SHANK2: variants seen among roughly 807,000 people sequenced by gnomAD.
SHANK2 encodes SH3 and multiple ankyrin repeat domains protein 2.
In SHANK2, 43 loss-of-function variants were observed where a neutral mutation model predicts 133.7. The ratio of observed to expected loss-of-function variants is 0.32; its 90% CI spans 0.25 to 0.41. The LOEUF is 0.41. Ranked by LOEUF, SHANK2 falls within the 10% of genes least tolerant of loss-of-function variation. The pLI, the probability that SHANK2 is intolerant of heterozygous loss-of-function variation, is 1.00. For missense variants in SHANK2, 1,994 were observed against 2,235.8 expected, an observed-to-expected ratio of 0.89 and a Z score of 2.18; for synonymous variants, 1,017 against 952.8, an observed-to-expected ratio of 1.07 and a Z score of -1.24.
intron 13 of SHANK2, among the ~76,000 whole-genome samples, chr11:70,806,339 G>A (rs1456202685): frequency 6.6e-6 from 1 of 152,184 alleles, no homozygotes; most frequent in Non-Finnish European, 1.5e-5. Context: ...CTGCCATGTT[G>A]CTTCTGCTGT....
chr11:70,575,812 CTT>C (rs1178412872), intron 17 of SHANK2, among the ~76,000 whole-genome samples: 1 of 151,838 alleles, frequency 6.6e-6, no homozygotes, highest in Non-Finnish European at 1.5e-5. Context: ...GGGTGGCAAA[CTT>C]GGGGGGCGTG....
chr11:71,108,307 G>C (rs1040921882), intron 6 of SHANK2, among the ~76,000 whole-genome samples: 2 of 152,098 alleles, frequency 1.3e-5, no homozygotes, highest in Non-Finnish European at 2.9e-5. Context: ...GCCCTCCCAA[G>C]CCTCCTACAG....
At chr11:70,742,885 G>C (rs782671999) in intron 14 of SHANK2, among the ~76,000 whole-genome samples, 39 of 152,260 alleles carry the variant, frequency 2.6e-4, no homozygotes, top group Non-Finnish European at 5.4e-4. Context: ...TTTGCCTTGG[G>C]CTGGAAGTAG....
At chr11:71,126,318 C>T (rs534750680) in intron 3 of SHANK2, among the ~76,000 whole-genome samples, 1 of 148,050 alleles carries the variant, frequency 6.8e-6, no homozygotes, top group South Asian at 2.2e-4. Context: ...CTGTTTACAA[C>T]ACATGTTACT....
intron 1 of SHANK2, among the ~76,000 whole-genome samples, chr11:71,237,506 G>A (rs1954839142): frequency 6.6e-6 from 1 of 152,148 alleles, no homozygotes; most frequent in African/African-American, 2.4e-5. Context: ...ATGCAGCAAA[G>A]GTTAACTAAC....
Position 71,252,377 on chromosome 11 carries a change from C to T in SHANK2, c.-113+48G>A, listed in dbSNP as rs1467104042. On this transcript the variant is annotated intron_variant, in intron 1 of 25. Coordinates refer to ENST00000601538, the MANE Select transcript of SHANK2 (RefSeq NM_012309.5). The surrounding 1 kb of genome is among the most constrained non-coding windows in gnomAD (Gnocchi z 6.3). ...GCAGGATCGGGTGCCCAAGGGCCAC[C>T]TCCCGTCCTCCCCGGCCCGCGCCCT... The T allele has an allele frequency of 6.6e-6, 1 of 152,152 alleles. No individual in the cohort carries two copies. Among genetic ancestry groups the T allele is most frequent in the African/African-American group, 2.4e-5 (1 of 41,432 alleles). The allele number at this position is 152,152 out of a possible 1,614,324, so 9.4% of individuals were successfully genotyped here.
intron 25 of SHANK2, among the ~76,000 whole-genome samples, chr11:70,482,913 G>C (rs1283966313): frequency 3.3e-5 from 5 of 152,190 alleles, no homozygotes; most frequent in Admixed American, 3.3e-4. Context: ...TCCCCTGTGG[G>C]CACCCCAGGA....
chr11:70,898,818 A>G (rs1463313121), intron 10 of SHANK2, among the ~76,000 whole-genome samples: 2 of 152,388 alleles, frequency 1.3e-5, no homozygotes, highest in Admixed American at 6.5e-5. Context: ...ACATTGCAAC[A>G]AAACGAACAC....
chr11:70,896,339 A>T (rs1338386470), intron 11 of SHANK2, 162 bp downstream of exon 11: 1 of 567,198 alleles, frequency 1.8e-6, no homozygotes, highest in Non-Finnish European at 3.1e-6. Context: ...AGTTAAAAAA[A>T]GTTAAGACCA....
intron 2 of SHANK2, among the ~76,000 whole-genome samples, chr11:71,153,121 C>G (rs1320647335): frequency 1.2e-4 from 18 of 152,130 alleles, no homozygotes; most frequent in African/African-American, 4.3e-4. Flanking sequence ...GTTCTCTAAC[C>G]CCGTGAGGAC....
At chr11:70,682,100 G>A (rs1263945846) in intron 15 of SHANK2, among the ~76,000 whole-genome samples, 9 of 152,098 alleles carry the variant, frequency 5.9e-5, no homozygotes, top group African/African-American at 2.2e-4. Context: ...GAGGGCCTTT[G>A]ACCCACAGGC....
intron 10 of SHANK2, chr11:70,911,168 G>A (rs1565400836): frequency 6.6e-6 from 3 of 456,522 alleles, no homozygotes; most frequent in South Asian, 4.6e-5. Context: ...TACATGCCAC[G>A]AAACACACAG....
chr11:71,146,355 C>T (rs540089045), intron 3 of SHANK2, among the ~76,000 whole-genome samples: 1 of 152,320 alleles, frequency 6.6e-6, no homozygotes, highest in East Asian at 1.9e-4. Flanking sequence ...GATGAAGCCA[C>T]ACCCCTTCCT....
chr11:70,524,262 C>T (rs1242868049), intron 17 of SHANK2, among the ~76,000 whole-genome samples: 1 of 152,230 alleles, frequency 6.6e-6, no homozygotes, highest in Non-Finnish European at 1.5e-5. Context: ...ATGCCACCAT[C>T]GGAGATGGGA....
intron 10 of SHANK2, among the ~76,000 whole-genome samples, chr11:70,941,545 T>A (rs1316975695): frequency 1.3e-5 from 2 of 152,158 alleles, no homozygotes; most frequent in South Asian, 2.1e-4. Context: ...CCCAAGGGGA[T>A]GGCATTTGGA....
intron 9 of SHANK2, among the ~76,000 whole-genome samples, chr11:71,071,262 C>A (rs1224258223): frequency 6.6e-6 from 1 of 152,230 alleles, no homozygotes; most frequent in Non-Finnish European, 1.5e-5. Flanking sequence ...TCTCCACACT[C>A]ACACAGACAT....
intron 17 of SHANK2, among the ~76,000 whole-genome samples, chr11:70,559,965 G>A (rs989588619): frequency 3.3e-5 from 5 of 151,992 alleles, no homozygotes; most frequent in Admixed American, 6.6e-5. Flanking sequence ...TCCGCCTCCC[G>A]GGTTCAAGTG....
At chr11:71,235,999 C>A (rs575954442) in intron 1 of SHANK2, among the ~76,000 whole-genome samples, 2 of 152,180 alleles carry the variant, frequency 1.3e-5, no homozygotes, top group Non-Finnish European at 2.9e-5. Context: ...CAGGTGCTGG[C>A]GGCAGAGCCA....
At chr11:71,178,804 T>C (rs562293066) in intron 2 of SHANK2, among the ~76,000 whole-genome samples, 1 of 151,130 alleles carries the variant, frequency 6.6e-6, no homozygotes, top group East Asian at 1.9e-4. Context: ...GCCAACACGG[T>C]GAAACACTGT....
Sources: allele counts gnomAD v4.1 joint callset (sites outside exome capture counted in the v4.1 genomes callset), GRCh38; gene constraint gnomAD v4.1.1; non-coding constraint Gnocchi (gnomAD v3.1); transcripts MANE v1.5; gene names NCBI Gene and HGNC (gene_info 2026-07-23, HGNC 2026-07-21).